STAG1: variants seen among roughly 807,000 people sequenced by gnomAD.
STAG1 encodes the protein STAG1 cohesin complex component.
Under a neutral mutation model 170.9 loss-of-function variants are expected in STAG1, and 26 were observed. That is an observed-to-expected ratio of 0.15 (90% CI 0.11 to 0.21). The LOEUF (loss-of-function observed/expected upper bound fraction) is 0.21, where lower values mean the gene tolerates loss of function less well. Among genes scored for constraint, STAG1 ranks in the 10% least tolerant of loss-of-function variants. The pLI is 1.00. For missense variants in STAG1, 964 were observed against 1,509.5 expected (o/e 0.64, Z 5.99); for synonymous variants, 514 against 497.7 (o/e 1.03, Z -0.44).
At position 136,337,881 on chromosome 3, in the gene STAG1, AAT is replaced by A. The variant is rs894794607; in HGVS notation, c.*371_*372del. ...TGTACAACAGGAAAATAAAGTTAAA[AAT>A]ATGTTTTTTTTTACTCAATGTTGAG... On this transcript the variant is annotated 3_prime_UTR_variant, in exon 34 of 34. Coordinates refer to ENST00000383202, the MANE Select transcript of STAG1 (RefSeq NM_005862.3). 1.4e-4 allele frequency: 24 copies of A among 175,310 alleles called. No homozygotes were observed. The highest frequency in any genetic ancestry group is 2.6e-4 in the African/African-American group (11 of 42,720). The allele number at this position is 175,310 out of a possible 1,614,324, so 10.9% of individuals were successfully genotyped here.
intron 1 of STAG1, among the ~76,000 whole-genome samples, chr3:136,631,216 G>C (rs934876079): frequency 1.3e-5 from 2 of 152,190 alleles, no homozygotes; most frequent in Non-Finnish European, 2.9e-5. Context: ...CATCCTCACA[G>C]TGAAATATTA....
chr3:136,488,210 C>T (rs987984777), intron 9 of STAG1, among the ~76,000 whole-genome samples: 1 of 152,252 alleles, frequency 6.6e-6, no homozygotes, highest in African/African-American at 2.4e-5. Context: ...GCAACCTCCA[C>T]CTCCTGGGTT....
intron 20 of STAG1, among the ~76,000 whole-genome samples, chr3:136,419,624 T>TGTG (rs200171555): frequency 5.9e-5 from 2 of 33,706 alleles, no homozygotes; most frequent in Admixed American, 4.8e-4. Context: ...TTTGTGTGTG[T>TGTG]TTTTTTTTTT....
chr3:136,366,926 A>C lies in STAG1; in HGVS notation c.2685+17T>G. On this transcript the variant is annotated intron_variant, in intron 25 of 33. Transcript: ENST00000383202. ...GCCAGTTAGAGGAAGGAGAAAAATA[A>C]GAATATTTAACTATACCTTCATGTA... 6.6e-7 allele frequency: 1 copy of C among 1,526,340 alleles called. No homozygotes were observed. Among genetic ancestry groups the C allele is most frequent in the Non-Finnish European group, 8.9e-7 (1 of 1,128,438 alleles). The allele number at this position is 1,526,340 out of a possible 1,614,324, so 94.5% of individuals were successfully genotyped here.
intron 1 of STAG1, among the ~76,000 whole-genome samples, chr3:136,704,375 T>C (rs977680762): frequency 7.2e-5 from 11 of 151,966 alleles, no homozygotes; most frequent in African/African-American, 2.7e-4. Flanking sequence ...GATGCAACTA[T>C]ATGCTAGTTA....
At chr3:136,708,586 T>C (rs1451217010) in intron 1 of STAG1, among the ~76,000 whole-genome samples, 1 of 152,146 alleles carries the variant, frequency 6.6e-6, no homozygotes, top group Non-Finnish European at 1.5e-5. Context: ...CACTAAATGG[T>C]ATACTTCAAA....
At chr3:136,400,320 C>T (rs972307875) in intron 21 of STAG1, among the ~76,000 whole-genome samples, 9 of 152,040 alleles carry the variant, frequency 5.9e-5, no homozygotes, top group African/African-American at 1.7e-4. Context: ...CTCCACCTAC[C>T]GGGTTCAAAC....
chr3:136,552,364 TTA>T (rs1381728347), intron 5 of STAG1, among the ~76,000 whole-genome samples: 2 of 152,160 alleles, frequency 1.3e-5, no homozygotes, highest in Non-Finnish European at 2.9e-5. Context: ...CACTTTACAT[TTA>T]TATATACAAG....
intron 4 of STAG1, among the ~76,000 whole-genome samples, chr3:136,570,780 G>C (rs1488069105): frequency 2.6e-5 from 4 of 152,132 alleles, no homozygotes; most frequent in Non-Finnish European, 4.4e-5. Flanking sequence ...CCTTCCATTG[G>C]GAAGAACCAC....
chr3:136,696,587 T>C (rs1484259736), intron 1 of STAG1, among the ~76,000 whole-genome samples: 1 of 152,126 alleles, frequency 6.6e-6, no homozygotes, highest in Non-Finnish European at 1.5e-5. Flanking sequence ...TGTACCAATC[T>C]GCTGACAGTG....
rs59155124 is a variant in STAG1, at chr3:136,541,538, T to TCACACACACA, written c.471+571_471+580dup. Among the ~76,000 whole-genome samples the TCACACACACA allele has an allele frequency of 7.5e-3, 927 of 123,198 alleles. 10 individuals are homozygous for TCACACACACA. The highest frequency in any genetic ancestry group is 0.014 in the African/African-American group (452 of 32,794). 80.8% of individuals were successfully genotyped at this position (123,198 alleles called of 152,430 possible). ...AGTATCCCAAATAGAAGCTTAACATTCACACACACACACACACACACACAC... is the reference window on the plus strand; with the variant it reads ...AGTATCCCAAATAGAAGCTTAACATTCACACACACACACACACACACACACACACACACAC... On this transcript the variant is annotated intron_variant, in intron 6 of 33. Coordinates refer to ENST00000383202, the MANE Select transcript of STAG1 (RefSeq NM_005862.3).
At chr3:136,357,632 A>G in intron 28 of STAG1, 88 bp downstream of exon 28, 3 of 989,398 alleles carry the variant, frequency 3.0e-6, no homozygotes. Flanking sequence ...AAGAGTAAAG[A>G]TATCCAAATG....
chr3:136,598,190 T>A (rs532511285), intron 4 of STAG1, among the ~76,000 whole-genome samples: 41 of 152,272 alleles, frequency 2.7e-4, no homozygotes, highest in African/African-American at 9.6e-4. Context: ...TAGTTGACCT[T>A]CTTTAACCTT....
At position 136,567,426 on chromosome 3, in the gene STAG1, C is replaced by A. The variant is rs1330083638; in HGVS notation, c.394+1339G>T. 2.6e-5 allele frequency among the ~76,000 whole-genome samples: 4 copies of A among 152,184 alleles called. No individual in the cohort carries two copies. In the East Asian group the frequency reaches 7.7e-4, roughly 29 times the overall value. On this transcript the variant is annotated intron_variant, in intron 5 of 33. Coordinates refer to ENST00000383202, the MANE Select transcript of STAG1 (RefSeq NM_005862.3). ...GAACCATGCTTTCTTGTCTTAAGGTCTTTTTGCATAATATGTTACCTTTTG... is the reference window on the plus strand; with the variant it reads ...GAACCATGCTTTCTTGTCTTAAGGTATTTTTGCATAATATGTTACCTTTTG...
chr3:136,524,248 G>C (rs1163125859), intron 6 of STAG1, among the ~76,000 whole-genome samples: 1 of 147,776 alleles, frequency 6.8e-6, no homozygotes, highest in African/African-American at 2.5e-5. Context: ...TCTTCCATTT[G>C]TTTGTGTCGT....
chr3:136,469,617 A>G (rs935241972), intron 12 of STAG1, among the ~76,000 whole-genome samples: 1 of 152,262 alleles, frequency 6.6e-6, no homozygotes, highest in Admixed American at 6.5e-5. Context: ...CTTTCTTCAC[A>G]GAATTGGAAA....
intron 1 of STAG1, among the ~76,000 whole-genome samples, chr3:136,737,640 T>C (rs1934417078): frequency 6.6e-6 from 1 of 152,258 alleles, no homozygotes; most frequent in Non-Finnish European, 1.5e-5. Flanking sequence ...TACCGCTTAC[T>C]ATATTCAACA....
chr3:136,562,170 G>A (rs546442522), intron 5 of STAG1, among the ~76,000 whole-genome samples: 2 of 152,126 alleles, frequency 1.3e-5, no homozygotes, highest in African/African-American at 2.4e-5. Flanking sequence ...TCTCAATAAC[G>A]TCCTTTATGC....
At chr3:136,583,408 T>C (rs1937643525) in intron 4 of STAG1, among the ~76,000 whole-genome samples, 1 of 152,202 alleles carries the variant, frequency 6.6e-6, no homozygotes. Flanking sequence ...TCATGAATTT[T>C]TTTAATGTTA....
Sources: gnomAD v4.1 joint callset for allele counts (sites outside exome capture counted in the v4.1 genomes callset) on GRCh38, gnomAD v4.1.1 for gene constraint, MANE v1.5 for transcripts, NCBI Gene and HGNC (gene_info 2026-07-23, HGNC 2026-07-21) for gene names.